The following CNST variants were observed in gnomAD, a reference collection of about 807,000 sequenced individuals.
The protein encoded by CNST is consortin, connexin sorting protein.
Under a neutral mutation model 72.4 loss-of-function variants are expected in CNST, and 39 were observed. That is an observed-to-expected ratio of 0.54 (90% CI 0.42 to 0.70). The LOEUF (loss-of-function observed/expected upper bound fraction) is 0.70, where lower values mean the gene tolerates loss of function less well. CNST is among the 30% of genes least tolerant of loss of function. The pLI, the probability that CNST is intolerant of heterozygous loss-of-function variation, is 0.00. For missense variants in CNST, 871 were observed against 868.5 expected, an observed-to-expected ratio of 1.00 and a Z score of -0.04; for synonymous variants, 332 against 320.1, an observed-to-expected ratio of 1.04 and a Z score of -0.40.
intron 3 of CNST, among the ~76,000 whole-genome samples, chr1:246,627,346 T>C (rs1664504081): frequency 6.6e-6 from 1 of 152,206 alleles, no homozygotes. Flanking sequence ...CTTAACTCAC[T>C]CCTTTCCAGG....
chr1:246,585,773 ACTC>A (rs948472616), intron 1 of CNST, among the ~76,000 whole-genome samples: 2 of 151,058 alleles, frequency 1.3e-5, no homozygotes, highest in Non-Finnish European at 2.9e-5. Context: ...CAGTGGGTAT[ACTC>A]AACGATCAGT....
At chr1:246,610,487 C>T (rs1163221886) in intron 2 of CNST, among the ~76,000 whole-genome samples, 6 of 152,146 alleles carry the variant, frequency 3.9e-5, no homozygotes, top group Admixed American at 3.9e-4. Context: ...CTATGTATTT[C>T]TTTCACCAGA....
chr1:246,570,898 T>C (rs187520039), intron 1 of CNST, among the ~76,000 whole-genome samples: 1 of 152,338 alleles, frequency 6.6e-6, no homozygotes, highest in East Asian at 1.9e-4. Context: ...CATTATATGC[T>C]TAATGAGAAA....
chr1:246,664,509 C>T (rs1186236619), intron 10 of CNST, among the ~76,000 whole-genome samples: 11 of 151,986 alleles, frequency 7.2e-5, no homozygotes, highest in Non-Finnish European at 1.6e-4. Flanking sequence ...TCACTGCAAC[C>T]TCCGCCTCCC....
intron 10 of CNST, 40 bp downstream of exon 10, chr1:246,660,374 A>C: frequency 6.3e-7 from 1 of 1,590,842 alleles, no homozygotes; most frequent in Non-Finnish European, 8.5e-7. Flanking sequence ...ATAGATGCTC[A>C]GTGTTTGCTG....
At chr1:246,578,792 C>T (rs1390606115) in intron 1 of CNST, among the ~76,000 whole-genome samples, 1 of 152,222 alleles carries the variant, frequency 6.6e-6, no homozygotes, top group African/African-American at 2.4e-5. Context: ...AGCTCAAATT[C>T]CATCTTGCTT....
At chr1:246,603,620 T>C (rs1185200482) in intron 2 of CNST, among the ~76,000 whole-genome samples, 1 of 152,232 alleles carries the variant, frequency 6.6e-6, no homozygotes, top group Non-Finnish European at 1.5e-5. Flanking sequence ...GCATGCTATT[T>C]AGCAATGAAA....
intron 1 of CNST, among the ~76,000 whole-genome samples, chr1:246,586,086 GA>G (rs1180410208): frequency 7.6e-6 from 1 of 132,238 alleles, no homozygotes; most frequent in Non-Finnish European, 1.6e-5. Context: ...TCTTGGGGGA[GA>G]GGGGGAGATA....
At chr1:246,654,813 G>C (rs912817008) in intron 9 of CNST, among the ~76,000 whole-genome samples, 1 of 96,244 alleles carries the variant, frequency 1.0e-5, no homozygotes, top group African/African-American at 4.2e-5. Context: ...TATGTAAATT[G>C]CTTATCTGTG....
intron 2 of CNST, among the ~76,000 whole-genome samples, chr1:246,617,310 C>T (rs1384319885): frequency 6.6e-6 from 1 of 152,218 alleles, no homozygotes; most frequent in Non-Finnish European, 1.5e-5. Flanking sequence ...CAATTTAATA[C>T]TCCAGCTTAG....
At chr1:246,608,532 C>T (rs1663079919) in intron 2 of CNST, among the ~76,000 whole-genome samples, 1 of 152,098 alleles carries the variant, frequency 6.6e-6, no homozygotes, top group African/African-American at 2.4e-5. Flanking sequence ...ATGCTAAATC[C>T]CAGAAATATT....
intron 1 of CNST, among the ~76,000 whole-genome samples, chr1:246,587,119 T>C (rs1341863639): frequency 6.6e-6 from 1 of 152,204 alleles, no homozygotes; most frequent in African/African-American, 2.4e-5. Flanking sequence ...AAAACACTGA[T>C]ACTTAGTAAA....
intron 1 of CNST, among the ~76,000 whole-genome samples, chr1:246,567,900 C>T (rs2102995534): frequency 6.6e-6 from 1 of 152,124 alleles, no homozygotes; most frequent in South Asian, 2.1e-4. Context: ...ACTTTTTTCC[C>T]CCTCCAGGAC....
At chr1:246,577,931 CAA>C (rs1173919509) in intron 1 of CNST, among the ~76,000 whole-genome samples, 3 of 152,064 alleles carry the variant, frequency 2.0e-5, no homozygotes, top group African/African-American at 7.3e-5. Flanking sequence ...CCTCTGTTCT[CAA>C]GTTTCCCTCT....
At position 246,647,258 on chromosome 1, in the gene CNST, G is replaced by A; in HGVS notation, c.1057G>A (p.Val353Ile). ...GCAAACAGATTCCCCAAGCCTTTCG[G>A]TAACTGCAGGAAAGGACCACATGGA... ...DVQTDSPSLSVTAGKDHMEEL... is the reference protein window; with the variant it reads ...DVQTDSPSLSITAGKDHMEEL... The change falls in exon 9 of 11, where the codon GTA becomes ATA. Residue 353 changes from valine to isoleucine, a missense_variant. By Grantham distance (29) the Val-to-Ile change is conservative. Transcript: ENST00000366513. 1 of 1,614,188 alleles carries A rather than the reference G, an allele frequency of 6.2e-7. No homozygotes were observed. Among genetic ancestry groups the A allele is most frequent in the Non-Finnish European group, 8.5e-7 (1 of 1,180,044 alleles).
At chr1:246,573,625 T>C (rs1280207970) in intron 1 of CNST, among the ~76,000 whole-genome samples, 1 of 152,202 alleles carries the variant, frequency 6.6e-6, no homozygotes, top group Non-Finnish European at 1.5e-5. Context: ...CTTTAACCTG[T>C]GTGTCCATGG....
At position 246,665,700 on chromosome 1, in the gene CNST, A is replaced by G. The variant is rs1358827686; in HGVS notation, c.1973A>G (p.Asp658Gly). The change falls in exon 11 of 11, where the codon GAT becomes GGT. Residue 658 changes from aspartate to glycine, a missense_variant and splice_region_variant. Transcript: ENST00000366513. The stretch of plus-strand genomic sequence containing the variant: ...ACCTCACTCTTTCTCATGTTTGCAG[A>G]TGAAGTTGGAGGTGGCTCCTGTATT... ...FQEIDDSLDQ[D>G]EVGGGSCILL... is the part of the protein sequence containing the mutation. 11 of 1,612,314 alleles carry G rather than the reference A, an allele frequency of 6.8e-6. No homozygotes were observed. In the African/African-American group the frequency reaches 9.3e-5, roughly 14 times the overall value.
At chr1:246,634,969 C>CGGGGTAGGTGTCTTCCGGCT (rs775779003) in intron 6 of CNST, among the ~76,000 whole-genome samples, 15,442 of 151,130 alleles carry the variant, frequency 0.1, 926 homozygotes, top group African/African-American at 0.17. Flanking sequence ...GTCTTCCGGC[C>CGGGGTAGGTGTCTTCCGGCT]GGGGTGCGTG....
chr1:246,635,884 T>C (rs1665192438), intron 6 of CNST, among the ~76,000 whole-genome samples: 1 of 152,166 alleles, frequency 6.6e-6, no homozygotes, highest in Admixed American at 6.5e-5. Context: ...TTTTCTCTGG[T>C]TATCATACGC....
Sources: gnomAD v4.1 joint callset for allele counts (sites outside exome capture counted in the v4.1 genomes callset) on GRCh38, gnomAD v4.1.1 for gene constraint, MANE v1.5 for transcripts, NCBI Gene and HGNC (gene_info 2026-07-23, HGNC 2026-07-21) for gene names.